CWH43: variants seen among roughly 807,000 people sequenced by gnomAD.
CWH43 encodes the protein PGAP2-interacting protein.
In CWH43, 91 loss-of-function variants were observed where a neutral mutation model predicts 85.7. The observed-to-expected ratio is 1.06, with a 90% confidence interval of 0.90 to 1.26. The LOEUF is 1.26. Ranked by LOEUF, CWH43 falls within the 50% of genes most tolerant of loss-of-function variation. The probability of loss-of-function intolerance (pLI) is 0.00; values close to 1 mark genes in which losing one functional copy is unlikely to be tolerated. For missense variants in CWH43, 869 were observed against 839.2 expected, an observed-to-expected ratio of 1.04 and a Z score of -0.44; for synonymous variants, 323 against 293.6, an observed-to-expected ratio of 1.10 and a Z score of -1.02.
chr4:49,027,915 AG>A (rs1237675444), intron 9 of CWH43, among the ~76,000 whole-genome samples: 2 of 152,134 alleles, frequency 1.3e-5, no homozygotes, highest in Non-Finnish European at 2.9e-5. Flanking sequence ...GACCTAAGAG[AG>A]GACCTTGTAA....
chr4:49,030,116 A>G (rs2109804470), intron 10 of CWH43, among the ~76,000 whole-genome samples: 1 of 152,272 alleles, frequency 6.6e-6, no homozygotes, highest in Non-Finnish European at 1.5e-5. Context: ...AGGGAGGTTG[A>G]TTTGTGAAGC....
chr4:49,007,678 G>A (rs1207265159), intron 8 of CWH43, among the ~76,000 whole-genome samples: 14 of 149,696 alleles, frequency 9.4e-5, no homozygotes, highest in Non-Finnish European at 1.8e-4. Context: ...CCCTGTGTCC[G>A]TGTGTTCTCA....
intron 12 of CWH43, among the ~76,000 whole-genome samples, chr4:49,033,369 T>A (rs2109809987): frequency 6.6e-6 from 1 of 152,282 alleles, no homozygotes; most frequent in South Asian, 2.1e-4. Context: ...CCATATGGAC[T>A]TGTGAATACA....
At chr4:49,030,730 G>A in intron 10 of CWH43, 95 bp from the exon 11 acceptor site, 1 of 1,238,712 alleles carries the variant, frequency 8.1e-7, no homozygotes, top group Admixed American at 2.9e-5. Context: ...TATCAGTAAA[G>A]AAAAAAAGGT....
rs1784129328 is a variant in CWH43 at position 49,032,553 on chromosome 4, C to A, written c.1509-13C>A. 1.9e-6 allele frequency: 3 copies of A among 1,613,552 alleles called. No homozygotes were observed. The African/African-American group carries it at 4.0e-5, about 22-fold the overall frequency. On this transcript the variant is annotated splice_polypyrimidine_tract_variant and intron_variant, in intron 11 of 15. Transcript: ENST00000226432. The stretch of plus-strand genomic sequence containing the variant: ...TGACAATGATGCCCATGTCTCTTTT[C>A]ATTCCAATACAGGATTATGGCTTTG...
At chr4:49,032,740 A>G (rs756441715) in intron 12 of CWH43, 25 bp downstream of exon 12, 11 of 1,611,236 alleles carry the variant, frequency 6.8e-6, no homozygotes, top group Admixed American at 1.7e-5. Context: ...CCCACCTAAT[A>G]TTACACAAAT....
chr4:49,058,040 C>T (rs1208495989), intron 15 of CWH43, among the ~76,000 whole-genome samples: 1 of 152,064 alleles, frequency 6.6e-6, no homozygotes, highest in Non-Finnish European at 1.5e-5. Context: ...TTTCTTATAA[C>T]TTATTTTTTT....
chr4:49,024,714 T>A (rs1840629), intron 9 of CWH43, among the ~76,000 whole-genome samples: 92,396 of 151,996 alleles, frequency 0.61, 30,688 homozygotes, highest in Middle Eastern at 0.78. Context: ...TTTGCTGAGA[T>A]ATCTGCTGTT....
At chr4:48,991,226 G>A (rs1328314718) in intron 2 of CWH43, among the ~76,000 whole-genome samples, 4 of 152,116 alleles carry the variant, frequency 2.6e-5, no homozygotes, top group South Asian at 2.1e-4. Context: ...ATTGTTGCAC[G>A]ACTTTATGAG....
At chr4:49,005,962 A>C (rs180900417) in intron 7 of CWH43, among the ~76,000 whole-genome samples, 1 of 152,304 alleles carries the variant, frequency 6.6e-6, no homozygotes, top group Admixed American at 6.5e-5. Context: ...AATTACATGA[A>C]ATATTTTTGA....
At chr4:49,012,321 A>T (rs970392645) in intron 8 of CWH43, among the ~76,000 whole-genome samples, 2 of 152,164 alleles carry the variant, frequency 1.3e-5, no homozygotes, top group Admixed American at 6.6e-5. Context: ...TTTCAACTCC[A>T]TCAGGTCATT....
chr4:49,017,112 C>A, intron 8 of CWH43, 137 bp from the exon 9 acceptor site: 2 of 771,534 alleles, frequency 2.6e-6, no homozygotes, highest in South Asian at 1.5e-5. Context: ...TCCACCCATT[C>A]ATCTTCCAGG....
At chr4:49,051,346 G>A (rs1784792175) in intron 15 of CWH43, among the ~76,000 whole-genome samples, 1 of 152,106 alleles carries the variant, frequency 6.6e-6, no homozygotes, top group Admixed American at 6.6e-5. Context: ...AGCATCGTTG[G>A]GTTGCTGGTA....
In CWH43 at chr4:49,030,937, A is replaced by G; in HGVS notation, c.1485A>G (p.Pro495=). The G allele has an allele frequency of 6.2e-7, 1 of 1,604,068 alleles. No homozygotes were observed. ...EKLGFYTDFG[P]STRYHTWGIM... Reference sequence around the variant, plus strand: ...TGGGTTTCTATACAGACTTTGGTCCAAGCACAAGGTATCACACTTGGGGGT... The same window carrying G: ...TGGGTTTCTATACAGACTTTGGTCCGAGCACAAGGTATCACACTTGGGGGT... The change falls in exon 11 of 16, where the codon CCA becomes CCG. Residue 495 remains proline, a synonymous_variant. Coordinates refer to ENST00000226432, the MANE Select transcript of CWH43 (RefSeq NM_025087.3).
At chr4:48,993,909 C>T (rs1482253782) in intron 4 of CWH43, among the ~76,000 whole-genome samples, 5 of 151,916 alleles carry the variant, frequency 3.3e-5, no homozygotes, top group Non-Finnish European at 7.4e-5. Context: ...CGTCTGCCAC[C>T]GTGCCCGGCT....
chr4:49,035,616 A>G (rs1577694614), intron 12 of CWH43, among the ~76,000 whole-genome samples: 2 of 152,262 alleles, frequency 1.3e-5, no homozygotes, highest in Middle Eastern at 3.4e-3. Context: ...AGCTTACTTT[A>G]TAGGGTTATT....
chr4:48,987,934 G>A (rs1269304815), intron 1 of CWH43, among the ~76,000 whole-genome samples: 1 of 152,048 alleles, frequency 6.6e-6, no homozygotes, highest in Non-Finnish European at 1.5e-5. Flanking sequence ...ATTATACAGG[G>A]GACAACTTAG....
chr4:49,054,410 G>C (rs1009801475), intron 15 of CWH43, among the ~76,000 whole-genome samples: 1 of 152,044 alleles, frequency 6.6e-6, no homozygotes, highest in African/African-American at 2.4e-5. Flanking sequence ...ATTACTACAG[G>C]TTTGTAGTGT....
At chr4:49,017,361 A>G in intron 9 of CWH43, 33 bp downstream of exon 9, 5 of 1,392,070 alleles carry the variant, frequency 3.6e-6, no homozygotes, top group South Asian at 1.2e-5. Context: ...ATAGAATTTT[A>G]TATGGTATAT....
Sources: allele counts gnomAD v4.1 joint callset (sites outside exome capture counted in the v4.1 genomes callset), GRCh38; gene constraint gnomAD v4.1.1; transcripts MANE v1.5; gene names NCBI Gene and HGNC (gene_info 2026-07-23, HGNC 2026-07-21).